RGS7: variants seen among roughly 807,000 people sequenced by gnomAD.
RGS7 encodes regulator of G protein signaling 7.
In RGS7, 27 loss-of-function variants were observed where a neutral mutation model predicts 81.1. The ratio of observed to expected loss-of-function variants is 0.33; its 90% CI spans 0.25 to 0.46. The LOEUF (loss-of-function observed/expected upper bound fraction) is 0.46. RGS7 is among the 20% of genes least tolerant of loss of function. The pLI, the probability that RGS7 is intolerant of heterozygous loss-of-function variation, is 1.00. For missense variants in RGS7, 396 were observed against 607.4 expected, an observed-to-expected ratio of 0.65 and a Z score of 3.66; for synonymous variants, 208 against 207.7, an observed-to-expected ratio of 1.00 and a Z score of -0.01.
intron 2 of RGS7, among the ~76,000 whole-genome samples, chr1:241,304,328 T>C (rs1390333038): frequency 8.5e-5 from 13 of 152,216 alleles, no homozygotes. Context: ...GAGGGTGTTA[T>C]GGCTACCTGG....
chr1:240,970,534 C>T (rs1341399591), intron 4 of RGS7, among the ~76,000 whole-genome samples: 3 of 152,084 alleles, frequency 2.0e-5, no homozygotes, highest in Non-Finnish European at 4.4e-5. Context: ...ACAGTTGGTC[C>T]CAACAGGTTG....
In RGS7 at chr1:241,323,323, T is replaced by C. The variant is rs2081312371; in HGVS notation, c.78+32376A>G. Among the ~76,000 whole-genome samples, 5 of 152,374 alleles carry C rather than the reference T, an allele frequency of 3.3e-5. No homozygotes were observed. The South Asian group carries it at 8.3e-4, about 25-fold the overall frequency. Reference sequence around the variant, plus strand: ...TTTTTTTCATTTAAATTGTGATGTATGTTTGCAAGATACAGTCTACTTCCT... The same window carrying C: ...TTTTTTTCATTTAAATTGTGATGTACGTTTGCAAGATACAGTCTACTTCCT... On this transcript the variant is annotated intron_variant, in intron 2 of 18. Coordinates refer to ENST00000440928, the MANE Select transcript of RGS7 (RefSeq NM_001364886.1).
intron 2 of RGS7, among the ~76,000 whole-genome samples, chr1:241,276,308 G>A (rs1048898247): frequency 6.6e-6 from 1 of 152,168 alleles, no homozygotes; most frequent in Non-Finnish European, 1.5e-5. Context: ...CAAGGGTTCA[G>A]CCTAAACACA....
At chr1:241,340,371 T>C (rs765981999) in intron 2 of RGS7, among the ~76,000 whole-genome samples, 1 of 151,878 alleles carries the variant, frequency 6.6e-6, no homozygotes, top group Non-Finnish European at 1.5e-5. Context: ...CTGTCCAAAC[T>C]TAAGTGCATT....
chr1:240,779,090 T>C (rs1435730596), intron 18 of RGS7, among the ~76,000 whole-genome samples: 1 of 134,684 alleles, frequency 7.4e-6, no homozygotes. Context: ...TTAATGGGAT[T>C]AGTGTTCTTT....
intron 10 of RGS7, among the ~76,000 whole-genome samples, chr1:240,818,961 T>C (rs150870525): frequency 6.6e-6 from 1 of 152,296 alleles, no homozygotes; most frequent in East Asian, 1.9e-4. Flanking sequence ...GGATAAATAT[T>C]TGAGGTGACG....
chr1:241,008,634 C>T (rs1486771661), intron 3 of RGS7, among the ~76,000 whole-genome samples: 1 of 151,884 alleles, frequency 6.6e-6, no homozygotes, highest in Non-Finnish European at 1.5e-5. Context: ...GGAATGTGGC[C>T]GTGTGCAGAG....
chr1:241,112,682 G>A (rs1056532456), intron 2 of RGS7, among the ~76,000 whole-genome samples: 4 of 152,094 alleles, frequency 2.6e-5, no homozygotes, highest in Admixed American at 1.3e-4. Context: ...TTTGTACAAC[G>A]ATTTTTAAAT....
intron 2 of RGS7, among the ~76,000 whole-genome samples, chr1:241,202,047 C>CACACACACAG (rs780522041): frequency 2.0e-5 from 3 of 150,392 alleles, no homozygotes; most frequent in African/African-American, 7.3e-5. Context: ...CACACACACA[C>CACACACACAG]AGAGACACCC....
intron 11 of RGS7, 68 bp from the exon 12 acceptor site, chr1:240,814,845 T>C (rs1572216683): frequency 1.0e-6 from 1 of 985,220 alleles, no homozygotes; most frequent in African/African-American, 1.6e-5. Context: ...CTCTAAATCA[T>C]GATCAGCTGG....
chr1:241,017,620 AG>A (rs2059326938), intron 3 of RGS7, among the ~76,000 whole-genome samples: 1 of 152,152 alleles, frequency 6.6e-6, no homozygotes, highest in African/African-American at 2.4e-5. Flanking sequence ...AATACTTCAA[AG>A]ATTTTTCTCC....
At chr1:241,220,483 A>G (rs925974098) in intron 2 of RGS7, among the ~76,000 whole-genome samples, 2 of 152,160 alleles carry the variant, frequency 1.3e-5, no homozygotes, top group Non-Finnish European at 2.9e-5. Flanking sequence ...ACTAAAGTCT[A>G]TCACTGAGAG....
At chr1:241,161,856 T>TA (rs1324160931) in intron 2 of RGS7, among the ~76,000 whole-genome samples, 1 of 152,094 alleles carries the variant, frequency 6.6e-6, no homozygotes, top group East Asian at 1.9e-4. Flanking sequence ...TAGCTGGGAT[T>TA]ACAGGCGCCT....
intron 2 of RGS7, among the ~76,000 whole-genome samples, chr1:241,169,957 T>C (rs557455009): frequency 6.6e-6 from 1 of 152,046 alleles, no homozygotes; most frequent in Non-Finnish European, 1.5e-5. Flanking sequence ...AATAAAAGAA[T>C]ATACTCAGAT....
chr1:241,068,257 T>TATATAAAA (rs1433690559), intron 3 of RGS7, among the ~76,000 whole-genome samples: 2 of 73,272 alleles, frequency 2.7e-5, no homozygotes, highest in Admixed American at 1.9e-4. Context: ...TATATATATA[T>TATATAAAA]AAAATATTGT....
rs564081944 is a variant in RGS7 at position 240,920,135 on chromosome 1, G to A, written c.385+10582C>T. 1,259 of 931,188 alleles carry A rather than the reference G, an allele frequency of 1.4e-3. 26 individuals carry two copies. The South Asian group carries it at 0.016, about 11-fold the overall frequency. The allele number at this position is 931,188 out of a possible 1,614,324, so 57.7% of individuals were successfully genotyped here. ...ATGACTATGACTCCGTGGATAAGAC[G>A]GTCATTCAGAAATACCACACTGTGA... On this transcript the variant is annotated intron_variant, in intron 6 of 18. Coordinates refer to ENST00000440928, the MANE Select transcript of RGS7 (RefSeq NM_001364886.1).
chr1:240,869,908 C>A, intron 7 of RGS7, 147 bp downstream of exon 7: 1 of 772,510 alleles, frequency 1.3e-6, no homozygotes, highest in Non-Finnish European at 2.3e-6. Context: ...CCACTGCACT[C>A]TAGCCTGGGT....
intron 2 of RGS7, among the ~76,000 whole-genome samples, chr1:241,149,458 C>T (rs1033559794): frequency 6.6e-6 from 1 of 152,148 alleles, no homozygotes; most frequent in Non-Finnish European, 1.5e-5. Context: ...CACCCAGCCT[C>T]ATTTTCTTTT....
chr1:241,000,605 C>T (rs770989848), intron 3 of RGS7, among the ~76,000 whole-genome samples: 19 of 151,890 alleles, frequency 1.3e-4, no homozygotes, highest in Non-Finnish European at 1.9e-4. Context: ...TAGCCACTAG[C>T]CATATGTAGC....
Sources: gnomAD v4.1 joint callset for allele counts (sites outside exome capture counted in the v4.1 genomes callset) on GRCh38, gnomAD v4.1.1 for gene constraint, MANE v1.5 for transcripts, NCBI Gene and HGNC (gene_info 2026-07-23, HGNC 2026-07-21) for gene names.